Variants in XNDC1N observed in about 807,000 individuals in gnomAD.
XNDC1N encodes protein XNDC1N.
At chr11:71,886,550 G>C in the XNDC1N span, among the ~76,000 whole-genome samples, 1 of 152,112 alleles carries the variant, frequency 6.6e-6, no homozygotes, top group Admixed American at 6.5e-5. Context: ...AGGACATTCA[G>C]GGTAAAGAAG....
At chr11:71,896,898 T>C in the XNDC1N span, among the ~76,000 whole-genome samples, 5 of 152,332 alleles carry the variant, frequency 3.3e-5, no homozygotes, top group East Asian at 9.6e-4. Flanking sequence ...AGTTGTTGTT[T>C]GTTTGTTTTG....
chr11:71,885,414 G>A, the XNDC1N span, among the ~76,000 whole-genome samples: 1 of 152,134 alleles, frequency 6.6e-6, no homozygotes, highest in Non-Finnish European at 1.5e-5. Flanking sequence ...TCTCACACGG[G>A]GGTGTACACT....
At chr11:71,887,198 T>G in the XNDC1N span, among the ~76,000 whole-genome samples, 1 of 152,116 alleles carries the variant, frequency 6.6e-6, no homozygotes, top group Admixed American at 6.5e-5. Flanking sequence ...ACCGCCCCGG[T>G]CGCCCGGTTA....
chr11:71,879,153 T>C, the XNDC1N span, among the ~76,000 whole-genome samples: 1 of 152,210 alleles, frequency 6.6e-6, no homozygotes, highest in Non-Finnish European at 1.5e-5. Flanking sequence ...AAGAGGTGGA[T>C]GCTCCACCAT....
the XNDC1N span, among the ~76,000 whole-genome samples, chr11:71,913,862 TG>T: frequency 6.6e-6 from 1 of 152,142 alleles, no homozygotes; most frequent in Non-Finnish European, 1.5e-5. Context: ...AGAATTATGC[TG>T]AATCTACTCT....
chr11:71,897,026 C>T, the XNDC1N span, among the ~76,000 whole-genome samples: 2 of 152,160 alleles, frequency 1.3e-5, no homozygotes, highest in Admixed American at 1.3e-4. Context: ...TTGATTTCCA[C>T]ATACAGAAGA....
the XNDC1N span, among the ~76,000 whole-genome samples, chr11:71,902,924 C>T: frequency 6.6e-6 from 1 of 152,156 alleles, no homozygotes; most frequent in Non-Finnish European, 1.5e-5. Flanking sequence ...CGATCTGGTT[C>T]TTGGAACGTT....
At chr11:71,866,415 A>G in the XNDC1N span, among the ~76,000 whole-genome samples, 1 of 152,160 alleles carries the variant, frequency 6.6e-6, no homozygotes, top group African/African-American at 2.4e-5. Context: ...TGTGCATGGA[A>G]CATATTATAT....
the XNDC1N span, among the ~76,000 whole-genome samples, chr11:71,907,392 C>G: frequency 6.6e-6 from 1 of 151,582 alleles, no homozygotes; most frequent in Admixed American, 6.5e-5. Flanking sequence ...CCCCTCTTGC[C>G]CCCCTGGCTC....
the XNDC1N span, chr11:71,894,307 G>C: frequency 9.8e-6 from 4 of 410,050 alleles, no homozygotes; most frequent in African/African-American, 6.2e-5. Flanking sequence ...GATGTACGCT[G>C]TGGTCACCCC....
chr11:71,897,670 G>A, the XNDC1N span, among the ~76,000 whole-genome samples: 2 of 152,176 alleles, frequency 1.3e-5, no homozygotes, highest in Non-Finnish European at 2.9e-5. Flanking sequence ...GGAAAAATTA[G>A]AAACAGAATG....
chr11:71,890,321 G>A, the XNDC1N span, among the ~76,000 whole-genome samples: 1 of 152,100 alleles, frequency 6.6e-6, no homozygotes, highest in Non-Finnish European at 1.5e-5. Flanking sequence ...CGCCTGTCGC[G>A]AAATTCAATG....
At chr11:71,909,012 A>G in the XNDC1N span, among the ~76,000 whole-genome samples, 1 of 152,208 alleles carries the variant, frequency 6.6e-6, no homozygotes, top group African/African-American at 2.4e-5. Context: ...CATTCAGGGT[A>G]AAGAAGAAAG....
chr11:71,893,699 C>G, the XNDC1N span: 4 of 1,323,158 alleles, frequency 3.0e-6, no homozygotes, highest in African/African-American at 5.9e-5. Flanking sequence ...ACCTCGGCCA[C>G]GGTTCCCAAT....
chr11:71,872,494 C>T, the XNDC1N span, among the ~76,000 whole-genome samples: 1,114 of 152,026 alleles, frequency 7.3e-3, 15 homozygotes, highest in African/African-American at 0.025. Flanking sequence ...GAGGCCGAGG[C>T]GGGTGGATCA....
the XNDC1N span, among the ~76,000 whole-genome samples, chr11:71,892,731 G>C: frequency 0.026 from 3,885 of 152,028 alleles, 54 homozygotes; most frequent in East Asian, 0.076. Flanking sequence ...AGGTTGGTCA[G>C]GCTGGTCTGG....
At chr11:71,873,472 A>T in the XNDC1N span, among the ~76,000 whole-genome samples, 1 of 152,232 alleles carries the variant, frequency 6.6e-6, no homozygotes, top group Admixed American at 6.5e-5. Context: ...TGCAGGGAGC[A>T]TGCCCTTTTC....
the XNDC1N span, among the ~76,000 whole-genome samples, chr11:71,924,274 G>A: frequency 1.3e-5 from 2 of 152,114 alleles, no homozygotes; most frequent in South Asian, 4.1e-4. Context: ...AGCTACTCAG[G>A]TGACTAAGGC....
At chr11:71,911,819 G>A in the XNDC1N span, among the ~76,000 whole-genome samples, 1 of 152,178 alleles carries the variant, frequency 6.6e-6, no homozygotes, top group Admixed American at 6.5e-5. Flanking sequence ...ATCTTGCTGG[G>A]TTTGGGGAAT....
Sources: allele counts gnomAD v4.1 joint callset (sites outside exome capture counted in the v4.1 genomes callset), GRCh38; gene constraint gnomAD v4.1.1; transcripts MANE v1.5; gene names NCBI Gene and HGNC (gene_info 2026-07-23, HGNC 2026-07-21).